ELP4: variants seen among roughly 807,000 people sequenced by gnomAD.
ELP4 encodes elongator complex protein 4.
Under a neutral mutation model 48.9 loss-of-function variants are expected in ELP4, and 51 were observed. The ratio of observed to expected loss-of-function variants is 1.04; its 90% CI spans 0.83 to 1.32. ELP4 has a LOEUF of 1.32. Ranked by LOEUF, ELP4 falls within the 40% of genes most tolerant of loss-of-function variation. The pLI is 0.00. For synonymous variants in ELP4, 210 were observed against 189.2 expected (o/e 1.11, Z -0.90); for missense variants, 519 against 514.6 (o/e 1.01, Z -0.08).
chr11:31,783,216 A>G (rs1166375742), intron 9 of ELP4, among the ~76,000 whole-genome samples, 177 bp from the exon 10 acceptor site: 3 of 152,238 alleles, frequency 2.0e-5, no homozygotes, highest in Admixed American at 6.5e-5. Context: ...CAGTAGGAAC[A>G]GGAGGTGATT....
intron 3 of ELP4, among the ~76,000 whole-genome samples, chr11:31,560,742 TTGTATA>T (rs1254269328): frequency 5.3e-5 from 8 of 150,722 alleles, no homozygotes; most frequent in Non-Finnish European, 7.4e-5. Flanking sequence ...CAACATTGTT[TTGTATA>T]TATATACGTA....
At chr11:31,656,428 GTCA>G (rs1018463803) in intron 9 of ELP4, among the ~76,000 whole-genome samples, 2 of 151,810 alleles carry the variant, frequency 1.3e-5, no homozygotes, top group African/African-American at 2.4e-5. Flanking sequence ...TTTCTGTGTG[GTCA>G]TCAACACGTA....
chr11:31,579,979 C>T (rs1316104766), intron 3 of ELP4, among the ~76,000 whole-genome samples: 1 of 151,862 alleles, frequency 6.6e-6, no homozygotes, highest in Non-Finnish European at 1.5e-5. Flanking sequence ...AAAAAAAAGT[C>T]ATGTGCTTTT....
intron 3 of ELP4, among the ~76,000 whole-genome samples, chr11:31,557,812 C>T (rs1374086007): frequency 1.3e-5 from 2 of 152,056 alleles, no homozygotes; most frequent in African/African-American, 2.4e-5. Flanking sequence ...ACTTTCTGAC[C>T]GTTGGTATCA....
At chr11:31,588,475 A>G (rs10835790) in intron 3 of ELP4, among the ~76,000 whole-genome samples, 97,295 of 152,062 alleles carry the variant, frequency 0.64, 33,418 homozygotes, top group Non-Finnish European at 0.76. Context: ...TAGATGTTTC[A>G]TTTGTTTGCT....
chr11:31,775,728 A>C (rs540851053), intron 9 of ELP4, among the ~76,000 whole-genome samples: 1 of 152,218 alleles, frequency 6.6e-6, no homozygotes, highest in Admixed American at 6.5e-5. Context: ...GCACTTTGGG[A>C]GGCTGAGATG....
chr11:31,639,137 CAG>C lies in ELP4; in HGVS notation c.927+6735_927+6736del, dbSNP rs1418516408. ...TTACTAAAGGATAAAGCCAGATATT[CAG>C]AGTGTCATTTTTTATGAATTCTTTT... On this transcript the variant is annotated intron_variant, in intron 7 of 9. Coordinates refer to ENST00000640961, the MANE Select transcript of ELP4 (RefSeq NM_019040.5). Among the ~76,000 whole-genome samples, 50 of 151,816 alleles carry C rather than the reference CAG, an allele frequency of 3.3e-4. 1 individual carries two copies. The highest frequency in any genetic ancestry group is 8.7e-4 in the African/African-American group (36 of 41,502).
At chr11:31,574,955 A>G (rs148909165) in intron 3 of ELP4, among the ~76,000 whole-genome samples, 305 of 152,366 alleles carry the variant, frequency 2.0e-3, no homozygotes, top group African/African-American at 7.0e-3. Context: ...AGTTGAGAGA[A>G]GAAGGCTTCA....
chr11:31,610,727 G>A (rs1957963935), intron 5 of ELP4, among the ~76,000 whole-genome samples: 1 of 152,080 alleles, frequency 6.6e-6, no homozygotes, highest in Admixed American at 6.6e-5. Context: ...TCCTTTAAAG[G>A]CCATCAGGTA....
intron 9 of ELP4, among the ~76,000 whole-genome samples, chr11:31,675,960 A>G (rs1243363539): frequency 1.3e-5 from 2 of 152,010 alleles, no homozygotes; most frequent in Non-Finnish European, 2.9e-5. Context: ...GTTCTCATAC[A>G]GTAGCCAAGA....
intron 7 of ELP4, among the ~76,000 whole-genome samples, chr11:31,642,063 G>A (rs78765924): frequency 0.027 from 4,037 of 151,948 alleles, 171 homozygotes; most frequent in African/African-American, 0.092. Flanking sequence ...TTCTTAATAT[G>A]AAACTAGATG....
intron 2 of ELP4, among the ~76,000 whole-genome samples, chr11:31,531,025 ATAGAT>A (rs998385677): frequency 6.6e-6 from 1 of 152,154 alleles, no homozygotes; most frequent in African/African-American, 2.4e-5. Context: ...GATTCACTAA[ATAGAT>A]TAATTAAATG....
chr11:31,522,226 A>C (rs1014314782), intron 2 of ELP4, among the ~76,000 whole-genome samples: 6 of 152,204 alleles, frequency 3.9e-5, no homozygotes, highest in African/African-American at 1.4e-4. Flanking sequence ...GTAAATAAAG[A>C]ATGTCTGAAG....
intron 3 of ELP4, among the ~76,000 whole-genome samples, chr11:31,569,557 C>T (rs1388541562): frequency 6.6e-6 from 1 of 152,102 alleles, no homozygotes; most frequent in Non-Finnish European, 1.5e-5. Context: ...TCCAGACCAG[C>T]CTGGCCAAAA....
chr11:31,737,135 C>T (rs1345462869), intron 9 of ELP4, among the ~76,000 whole-genome samples: 1 of 152,074 alleles, frequency 6.6e-6, no homozygotes, highest in Admixed American at 6.6e-5. Flanking sequence ...TACTATGCAG[C>T]CATAAAAAAA....
intron 3 of ELP4, among the ~76,000 whole-genome samples, chr11:31,549,017 T>G (rs942353346): frequency 6.6e-6 from 1 of 152,012 alleles, no homozygotes. Context: ...ACGTTAGACC[T>G]AAAACCATAA....
chr11:31,619,253 C>T (rs1383283281), intron 5 of ELP4, among the ~76,000 whole-genome samples: 3 of 151,684 alleles, frequency 2.0e-5, no homozygotes, highest in Non-Finnish European at 2.9e-5. Flanking sequence ...GTATGAGGCC[C>T]GTGCACAGGT....
At chr11:31,614,194 T>C (rs866139072) in intron 5 of ELP4, among the ~76,000 whole-genome samples, 8 of 152,308 alleles carry the variant, frequency 5.3e-5, no homozygotes, top group South Asian at 2.1e-4. Context: ...ATGAATGTCT[T>C]AAATTCTTGG....
chr11:31,726,778 AG>A (rs1331244831), intron 9 of ELP4, among the ~76,000 whole-genome samples: 1 of 152,194 alleles, frequency 6.6e-6, no homozygotes, highest in East Asian at 1.9e-4. Context: ...ATACAGTACC[AG>A]TGTTCCAAGG....
Sources: allele counts gnomAD v4.1 joint callset (sites outside exome capture counted in the v4.1 genomes callset), GRCh38; gene constraint gnomAD v4.1.1; transcripts MANE v1.5; gene names NCBI Gene and HGNC (gene_info 2026-07-23, HGNC 2026-07-21).